CNBD1: variants seen among roughly 807,000 people sequenced by gnomAD.
CNBD1 encodes the protein cyclic nucleotide-binding domain-containing protein 1.
CNBD1 carries 71 observed loss-of-function variants against 54.4 expected under a neutral mutation model. That is an observed-to-expected ratio of 1.30 (90% CI 1.08 to 1.59). The LOEUF (loss-of-function observed/expected upper bound fraction) is 1.59, where lower values mean the gene tolerates loss of function less well. Among genes scored for constraint, CNBD1 ranks in the 40% most tolerant of loss-of-function variants. The pLI is 0.00. For missense variants in CNBD1, 659 were observed against 518.0 expected, an observed-to-expected ratio of 1.27 and a Z score of -2.64; for synonymous variants, 182 against 170.7, an observed-to-expected ratio of 1.07 and a Z score of -0.51.
At chr8:86,971,404 G>A (rs561910114) in intron 4 of CNBD1, among the ~76,000 whole-genome samples, 166 of 152,280 alleles carry the variant, frequency 1.1e-3, no homozygotes, top group African/African-American at 3.7e-3. Flanking sequence ...TGCAATTTGA[G>A]ATGAGATTTG....
At chr8:87,109,192 G>GA (rs1811606039) in intron 4 of CNBD1, among the ~76,000 whole-genome samples, 1 of 151,786 alleles carries the variant, frequency 6.6e-6, no homozygotes, top group African/African-American at 2.4e-5. Flanking sequence ...CTTATTGAGG[G>GA]AAAAAAATAA....
intron 4 of CNBD1, among the ~76,000 whole-genome samples, chr8:87,196,617 G>T (rs1251036515): frequency 6.6e-6 from 1 of 152,156 alleles, no homozygotes. Context: ...TGGGAACACT[G>T]AGCAATTCAG....
At chr8:87,145,530 C>A (rs1028425350) in intron 4 of CNBD1, among the ~76,000 whole-genome samples, 1 of 151,908 alleles carries the variant, frequency 6.6e-6, no homozygotes, top group Admixed American at 6.6e-5. Context: ...AAATAAAATA[C>A]TGTTTGTATA....
intron 6 of CNBD1, among the ~76,000 whole-genome samples, chr8:87,273,228 A>G (rs1186467325): frequency 6.6e-6 from 1 of 151,990 alleles, no homozygotes; most frequent in African/African-American, 2.4e-5. Flanking sequence ...TAATTGGTTT[A>G]ATTTTTAAAA....
chr8:87,169,131 G>A (rs1813033096), intron 4 of CNBD1, among the ~76,000 whole-genome samples: 1 of 151,960 alleles, frequency 6.6e-6, no homozygotes, highest in South Asian at 2.1e-4. Context: ...ACTGGGGTGA[G>A]GTGATATGTC....
chr8:87,309,850 AAAAAT>A (rs1290333126), intron 8 of CNBD1, among the ~76,000 whole-genome samples: 5 of 152,116 alleles, frequency 3.3e-5, no homozygotes, highest in African/African-American at 9.7e-5. Flanking sequence ...AGGCAAGAAA[AAAAAT>A]AAAATAAAAG....
chr8:87,052,301 T>G (rs1019157828), intron 4 of CNBD1, among the ~76,000 whole-genome samples: 1 of 152,218 alleles, frequency 6.6e-6, no homozygotes, highest in Non-Finnish European at 1.5e-5. Flanking sequence ...GTTGTCTGAT[T>G]AGTAAACTTG....
intron 4 of CNBD1, among the ~76,000 whole-genome samples, chr8:87,122,799 C>T (rs757937152): frequency 1.3e-5 from 2 of 151,844 alleles, no homozygotes; most frequent in Non-Finnish European, 2.9e-5. Flanking sequence ...TTCCCAAGAG[C>T]ATAATCTGAA....
In CNBD1 at chr8:87,407,320, A is replaced by G. The variant is rs142440012; in HGVS notation, c.214-21226A>G. ...ACTTTTGTGTTTTCAAGATTCATCC[A>G]TGTTACTTATGTCAGTACTCAGTAC... On this transcript the variant is annotated intron_variant, in intron 2 of 7. Coordinates refer to the CNBD1 transcript ENST00000521593. Among the ~76,000 whole-genome samples the G allele has an allele frequency of 7.2e-3, 1,091 of 152,002 alleles. 12 individuals are homozygous for G. Among genetic ancestry groups the G allele is most frequent in the African/African-American group, 0.025 (1,029 of 41,396 alleles).
At position 87,092,476 on chromosome 8, in the gene CNBD1, TATAC is replaced by T. The variant is rs1811231187; in HGVS notation, c.432-113515_432-113512del. ...ACACATATGTGTGTGTGTGTATATA[TATAC>T]ACATATGTGTGTGTGTATATATATG... On this transcript the variant is annotated intron_variant, in intron 4 of 10. Coordinates refer to ENST00000518476, the MANE Select transcript of CNBD1 (RefSeq NM_173538.3). Among the ~76,000 whole-genome samples the T allele has an allele frequency of 4.0e-5, 6 of 149,070 alleles. No homozygotes were observed. In the Middle Eastern group the frequency reaches 0.014, roughly 343 times the overall value.
intron 4 of CNBD1, among the ~76,000 whole-genome samples, chr8:87,069,534 G>GTA (rs1810719805): frequency 6.6e-6 from 1 of 152,056 alleles, no homozygotes; most frequent in Non-Finnish European, 1.5e-5. Context: ...TAGCCTAGGT[G>GTA]TATAGTAGGA....
chr8:86,965,937 A>G (rs1421687951), intron 4 of CNBD1, among the ~76,000 whole-genome samples: 2 of 152,158 alleles, frequency 1.3e-5, no homozygotes, highest in African/African-American at 4.8e-5. Context: ...TCCAGCTATC[A>G]GCAGAGAGGG....
intron 6 of CNBD1, among the ~76,000 whole-genome samples, chr8:87,256,005 A>ATT (rs1808010298): frequency 2.0e-4 from 4 of 19,532 alleles, no homozygotes; most frequent in Non-Finnish European, 3.4e-4. Flanking sequence ...ATATATATAT[A>ATT]TATATATATA....
intron 6 of CNBD1, among the ~76,000 whole-genome samples, chr8:87,283,759 T>G (rs1808641533): frequency 6.6e-6 from 1 of 152,110 alleles, no homozygotes; most frequent in African/African-American, 2.4e-5. Flanking sequence ...GAGGCACAAT[T>G]CCAGGCTCTC....
At chr8:87,425,012 C>G (rs368534801) in intron 2 of CNBD1, among the ~76,000 whole-genome samples, 14 of 151,942 alleles carry the variant, frequency 9.2e-5, no homozygotes, top group East Asian at 1.9e-4. Context: ...TGGAGGCTTT[C>G]CTCATTTCTT....
chr8:87,298,040 G>C (rs557686560), intron 8 of CNBD1, among the ~76,000 whole-genome samples: 2 of 151,436 alleles, frequency 1.3e-5, no homozygotes, highest in African/African-American at 4.9e-5. Context: ...ATATAGATTT[G>C]TATAAGCTGA....
chr8:87,351,091 A>G (rs941697094), intron 8 of CNBD1, among the ~76,000 whole-genome samples: 1 of 152,166 alleles, frequency 6.6e-6, no homozygotes, highest in Admixed American at 6.5e-5. Flanking sequence ...AAGGACTCCT[A>G]ATTAATTTTT....
In CNBD1 at chr8:87,067,241, T is replaced by A. The variant is rs186376820; in HGVS notation, c.431+127487T>A. ...TAAATATTGACAATTTGACCATATT[T>A]TTTTCCAGCAAATAAACTTGGAAAA... On this transcript the variant is annotated intron_variant, in intron 4 of 10. Transcript: ENST00000518476. Among the ~76,000 whole-genome samples the A allele has an allele frequency of 1.9e-3, 293 of 152,096 alleles. 1 individual carries two copies. The highest frequency in any genetic ancestry group is 6.5e-3 in the African/African-American group (269 of 41,564).
intron 4 of CNBD1, among the ~76,000 whole-genome samples, chr8:87,111,649 C>G (rs1205930647): frequency 6.6e-6 from 1 of 152,102 alleles, no homozygotes; most frequent in Non-Finnish European, 1.5e-5. Flanking sequence ...GGAAGCTGGT[C>G]AGCCTTTTGT....
Sources: allele counts gnomAD v4.1 joint callset (sites outside exome capture counted in the v4.1 genomes callset), GRCh38; gene constraint gnomAD v4.1.1; transcripts MANE v1.5; gene names NCBI Gene and HGNC (gene_info 2026-07-23, HGNC 2026-07-21).